The following RNF220 variants were observed in gnomAD, a reference collection of about 807,000 sequenced individuals.
RNF220 encodes the protein E3 ubiquitin-protein ligase RNF220.
Under a neutral mutation model 67.1 loss-of-function variants are expected in RNF220, and 7 were observed. That is an observed-to-expected ratio of 0.10 (90% CI 0.06 to 0.20). The LOEUF is 0.20. Among genes scored for constraint, RNF220 ranks in the 10% least tolerant of loss-of-function variants. The pLI, the probability that RNF220 is intolerant of heterozygous loss-of-function variation, is 1.00. For synonymous variants in RNF220, 270 were observed against 283.2 expected (o/e 0.95, Z 0.47); for missense variants, 565 against 740.3 (o/e 0.76, Z 2.75).
At chr1:44,481,944 G>A (rs7549585) in intron 2 of RNF220, among the ~76,000 whole-genome samples, 15,869 of 152,184 alleles carry the variant, frequency 0.1, 2,422 homozygotes, top group African/African-American at 0.34. Flanking sequence ...GTTGTAACAG[G>A]AGAGAACAAG....
At chr1:44,579,194 C>T (rs56986077) in intron 2 of RNF220, among the ~76,000 whole-genome samples, 1,900 of 151,700 alleles carry the variant, frequency 0.013, 47 homozygotes, top group African/African-American at 0.043. Flanking sequence ...GAAAATCATG[C>T]AATCTTCATA....
intron 2 of RNF220, among the ~76,000 whole-genome samples, chr1:44,570,310 T>C (rs1558053444): frequency 1.3e-5 from 2 of 152,166 alleles, no homozygotes; most frequent in African/African-American, 4.8e-5. Context: ...TCCAGCGCTG[T>C]CCCTTTCCCT....
intron 2 of RNF220, among the ~76,000 whole-genome samples, chr1:44,530,392 T>C (rs983215371): frequency 6.6e-6 from 1 of 152,126 alleles, no homozygotes; most frequent in Non-Finnish European, 1.5e-5. Flanking sequence ...TCTCAAGAAA[T>C]TTTGTCTTTC....
At chr1:44,438,124 TG>T (rs570934187) in intron 2 of RNF220, among the ~76,000 whole-genome samples, 99 of 152,306 alleles carry the variant, frequency 6.5e-4, no homozygotes, top group Non-Finnish European at 1.1e-3. Flanking sequence ...TACTTTAGTT[TG>T]TTTTTTTGTT....
At chr1:44,638,866 G>C (rs769244924) in intron 8 of RNF220, among the ~76,000 whole-genome samples, 1 of 152,172 alleles carries the variant, frequency 6.6e-6, no homozygotes, top group Non-Finnish European at 1.5e-5. Flanking sequence ...AAAGGAAATA[G>C]GTATTACTTC....
chr1:44,551,548 C>T (rs914642912), intron 2 of RNF220, among the ~76,000 whole-genome samples: 1 of 152,112 alleles, frequency 6.6e-6, no homozygotes, highest in African/African-American at 2.4e-5. Context: ...GCTGTTGATA[C>T]GTATTGATAG....
At chr1:44,511,849 A>G (rs745591600) in intron 2 of RNF220, among the ~76,000 whole-genome samples, 2 of 152,116 alleles carry the variant, frequency 1.3e-5, no homozygotes, top group African/African-American at 4.8e-5. Flanking sequence ...TTGGAACTAG[A>G]TACAATGAAA....
In RNF220 at chr1:44,641,441, C is replaced by T. The variant is rs144864731; in HGVS notation, c.1127-3257C>T. Among the ~76,000 whole-genome samples, 558 of 152,210 alleles carry T rather than the reference C, an allele frequency of 3.7e-3. 5 individuals are homozygous for T. Among genetic ancestry groups the T allele is most frequent in the African/African-American group, 0.012 (495 of 41,516 alleles). The stretch of plus-strand genomic sequence containing the variant: ...GTAGGAGTGGCAGCTTGCCTGTTAT[C>T]GCTGGAGCTACATGGAAGAGGAGCC... On this transcript the variant is annotated intron_variant, in intron 8 of 14. Transcript: ENST00000361799.
intron 2 of RNF220, among the ~76,000 whole-genome samples, chr1:44,588,335 A>C (rs537771471): frequency 6.6e-6 from 1 of 152,310 alleles, no homozygotes; most frequent in South Asian, 2.1e-4. Context: ...CTGCCAAGAC[A>C]GGCCTGTCCT....
At chr1:44,465,439 A>AC (rs1654187180) in intron 2 of RNF220, among the ~76,000 whole-genome samples, 1 of 144,380 alleles carries the variant, frequency 6.9e-6, no homozygotes, top group Non-Finnish European at 1.5e-5. Flanking sequence ...TCCATGTGCC[A>AC]TTTTTTTTTT....
intron 2 of RNF220, among the ~76,000 whole-genome samples, chr1:44,496,084 G>A (rs796523786): frequency 1.6e-4 from 25 of 152,334 alleles, no homozygotes; most frequent in African/African-American, 5.8e-4. Flanking sequence ...GCTCAGATCT[G>A]GGTTTTAGAA....
At chr1:44,536,551 C>G (rs1363106472) in intron 2 of RNF220, among the ~76,000 whole-genome samples, 1 of 152,216 alleles carries the variant, frequency 6.6e-6, no homozygotes, top group Non-Finnish European at 1.5e-5. Flanking sequence ...TGCAGCCTTT[C>G]TCAGCTCTCA....
rs771670576 is a variant in RNF220, at chr1:44,622,810, T to C, written c.804+23T>C. ...AAGGTAGGTGGCCAATTACATGTTT[T>C]CCTCCTGCCCATACTAACCTAGGCC... On this transcript the variant is annotated intron_variant, in intron 4 of 14. Coordinates refer to ENST00000361799, the MANE Select transcript of RNF220 (RefSeq NM_018150.4). This position sits in a 1 kb window ranked among gnomAD's most constrained non-coding sequence, Gnocchi z 4.3. 1.2e-6 allele frequency: 2 copies of C among 1,611,844 alleles called. No individual in the cohort carries two copies. Among genetic ancestry groups the C allele is most frequent in the Non-Finnish European group, 1.7e-6 (2 of 1,178,004 alleles).
At chr1:44,496,414 G>T (rs1056466287) in intron 2 of RNF220, among the ~76,000 whole-genome samples, 7 of 152,174 alleles carry the variant, frequency 4.6e-5, no homozygotes, top group Non-Finnish European at 7.4e-5. Flanking sequence ...GAGAATGAAT[G>T]AATTCATGAA....
chr1:44,635,836 T>C (rs1391333430), intron 7 of RNF220, 194 bp from the exon 8 acceptor site: 3 of 1,299,340 alleles, frequency 2.3e-6, no homozygotes, highest in Non-Finnish European at 2.1e-6. Flanking sequence ...ATTCCCTCCT[T>C]GGGCTCCAGC....
At chr1:44,431,677 G>A (rs982904644) in intron 2 of RNF220, among the ~76,000 whole-genome samples, 1 of 152,098 alleles carries the variant, frequency 6.6e-6, no homozygotes, top group Admixed American at 6.5e-5. Context: ...ACATAGGAGT[G>A]GGCAAGAAGA....
chr1:44,519,288 G>A lies in RNF220; in HGVS notation c.626-94877G>A, dbSNP rs1659715204. The stretch of plus-strand genomic sequence containing the variant: ...AATATCTATTTAAAGCTTAATACAT[G>A]TCAAGCACTACGCTAGGCACTGAAC... On this transcript the variant is annotated intron_variant, in intron 2 of 14. Transcript: ENST00000361799. Among the ~76,000 whole-genome samples the A allele has an allele frequency of 3.3e-5, 5 of 152,186 alleles. No individual in the cohort carries two copies. The South Asian group carries it at 1.0e-3, about 32-fold the overall frequency.
intron 2 of RNF220, among the ~76,000 whole-genome samples, chr1:44,555,971 T>C (rs1045652448): frequency 3.3e-5 from 5 of 150,238 alleles, no homozygotes; most frequent in African/African-American, 5.0e-5. Context: ...AGAATGTATT[T>C]CTATCACCAC....
At chr1:44,552,797 T>C (rs946506350) in intron 2 of RNF220, among the ~76,000 whole-genome samples, 3 of 151,818 alleles carry the variant, frequency 2.0e-5, no homozygotes, top group African/African-American at 7.3e-5. Context: ...CCTCGATCTC[T>C]TGACCTCGTG....
Sources: gnomAD v4.1 joint callset for allele counts (sites outside exome capture counted in the v4.1 genomes callset) on GRCh38, gnomAD v4.1.1 for gene constraint, Gnocchi (gnomAD v3.1) non-coding constraint, MANE v1.5 for transcripts, NCBI Gene and HGNC (gene_info 2026-07-23, HGNC 2026-07-21) for gene names.